Variants in PHF3 observed in about 807,000 individuals in gnomAD.
PHF3 encodes PHD finger protein 3.
PHF3 carries 41 observed loss-of-function variants against 178.4 expected under a neutral mutation model. That is an observed-to-expected ratio of 0.23 (90% CI 0.18 to 0.30). The LOEUF (loss-of-function observed/expected upper bound fraction) is 0.30, where lower values mean the gene tolerates loss of function less well. PHF3 is among the 10% of genes least tolerant of loss of function. The probability of loss-of-function intolerance (pLI) is 1.00; values close to 1 mark genes in which losing one functional copy is unlikely to be tolerated. For missense variants in PHF3, 2,346 were observed against 2,398.1 expected, an observed-to-expected ratio of 0.98 and a Z score of 0.45; for synonymous variants, 842 against 800.5, an observed-to-expected ratio of 1.05 and a Z score of -0.88.
chr6:63,684,334 C>T lies in PHF3; in HGVS notation c.612C>T (p.Ser204=), dbSNP rs79636606. The T allele has an allele frequency of 2.0e-4, 322 of 1,613,854 alleles. No individual in the cohort carries two copies. The African/African-American group carries it at 3.6e-3, about 18-fold the overall frequency. Residue 204 remains serine, a synonymous_variant, in exon 4 of 16, where the codon AGC becomes AGT. Transcript: ENST00000262043. ...AGAATAGAAGGTGCAGCCGAAATAG[C>T]GGACAAATTGAAGTGGTACCTGAAG... ...HKENRRCSRN[S]GQIEVVPEVS...
In PHF3 at chr6:63,721,676, T is replaced by A. The variant is rs1384547727; in HGVS notation, c.*7968T>A. ...CTGCACCAACTCTTCCTGCTTTTAT[T>A]ATATGCCAAGTACTTCCGTTTATAG... is the stretch of plus-strand genomic sequence containing the variant. On this transcript the variant is annotated 3_prime_UTR_variant, in exon 16 of 16. Coordinates refer to ENST00000262043, the MANE Select transcript of PHF3 (RefSeq NM_001370348.2). 11 of 1,551,414 alleles carry A rather than the reference T, an allele frequency of 7.1e-6. No homozygotes were observed. In the East Asian group the frequency reaches 2.0e-4, roughly 28 times the overall value.
At chr6:63,679,919 C>G (rs761262914) in intron 2 of PHF3, 81 bp from the exon 3 acceptor site, 1 of 1,105,812 alleles carries the variant, frequency 9.0e-7, no homozygotes, top group Non-Finnish European at 1.4e-6. Flanking sequence ...AAGACTATCT[C>G]ACAGTATTTT....
At position 63,644,469 on chromosome 6, in the gene PHF3, G is replaced by A. The variant is rs1365817028; in HGVS notation, c.-25-2058G>A. Reference sequence around the variant, plus strand: ...TAATCGAGACTTTCTTTGGCACTGAGATGATATAGTGGTAGGGAATTCTTA... The same window carrying A: ...TAATCGAGACTTTCTTTGGCACTGAAATGATATAGTGGTAGGGAATTCTTA... On this transcript the variant is annotated intron_variant, in intron 1 of 15. Transcript: ENST00000262043. Among the ~76,000 whole-genome samples, 4 of 152,278 alleles carry A rather than the reference G, an allele frequency of 2.6e-5. No individual in the cohort carries two copies. In the South Asian group the frequency reaches 8.3e-4, roughly 32 times the overall value.
chr6:63,676,223 C>G (rs1198445761), intron 2 of PHF3, among the ~76,000 whole-genome samples: 1 of 152,094 alleles, frequency 6.6e-6, no homozygotes, highest in African/African-American at 2.4e-5. Context: ...TCTGGAATAC[C>G]TACTATACAC....
At position 63,646,575 on chromosome 6, in the gene PHF3, T is replaced by C; in HGVS notation, c.24T>C (p.Asn8=). The C allele has an allele frequency of 6.2e-7, 1 of 1,611,498 alleles. No homozygotes were observed. The highest frequency in any genetic ancestry group is 1.1e-5 in the South Asian group (1 of 90,992). Residue 8 remains asparagine (N), a synonymous_variant, in exon 2 of 16, where the codon AAT becomes AAC. Coordinates refer to ENST00000262043, the MANE Select transcript of PHF3 (RefSeq NM_001370348.2). ...TCATGGATATAGTTGATACATTTAA[T>C]CATTTAATTCCTACTGAACACTTAG... MDIVDTF[N]HLIPTEHLDD...
At chr6:63,696,516 G>A (rs1362674681) in intron 6 of PHF3, among the ~76,000 whole-genome samples, 1 of 152,058 alleles carries the variant, frequency 6.6e-6, no homozygotes, top group East Asian at 1.9e-4. Context: ...ATGGTGTTTC[G>A]TTATGTTGGC....
intron 2 of PHF3, among the ~76,000 whole-genome samples, chr6:63,670,661 C>T (rs552528231): frequency 2.0e-5 from 3 of 152,296 alleles, no homozygotes; most frequent in South Asian, 4.1e-4. Context: ...TGGAGGTTCT[C>T]ATCTGTTGAG....
At chr6:63,701,011 A>AT (rs1767451689) in intron 9 of PHF3, among the ~76,000 whole-genome samples, 1 of 152,028 alleles carries the variant, frequency 6.6e-6, no homozygotes, top group South Asian at 2.1e-4. Context: ...ATAGTTTGTA[A>AT]ATGAGAAGGA....
At chr6:63,686,050 C>G (rs1322141022) in intron 4 of PHF3, 139 bp downstream of exon 4, 5 of 599,408 alleles carry the variant, frequency 8.3e-6, no homozygotes, top group African/African-American at 1.9e-5. Context: ...CTTCATCAGT[C>G]TTGGATAAAT....
rs1768400687 is a variant in PHF3 at position 63,721,693 on chromosome 6, C to T, written c.*7985C>T. 2 of 1,551,320 alleles carry T rather than the reference C, an allele frequency of 1.3e-6. No individual in the cohort carries two copies. The highest frequency in any genetic ancestry group is 1.7e-6 in the Non-Finnish European group (2 of 1,146,720). On this transcript the variant is annotated 3_prime_UTR_variant, in exon 16 of 16. Coordinates refer to ENST00000262043, the MANE Select transcript of PHF3 (RefSeq NM_001370348.2). The stretch of plus-strand genomic sequence containing the variant: ...GCTTTTATTATATGCCAAGTACTTC[C>T]GTTTATAGTTACTTTTTGGAGAGTT...
In PHF3 at chr6:63,725,563, T is replaced by C. The variant is rs546455410; in HGVS notation, c.*11855T>C. 6.6e-6 allele frequency among the ~76,000 whole-genome samples: 1 copy of C among 152,156 alleles called. No homozygotes were observed. The highest frequency in any genetic ancestry group is 2.4e-5 in the African/African-American group (1 of 41,450). ...TTGACATTTTCACAGGGAGATTTAA[T>C]CATGAATTTAAAACCAAATATCTCA... On this transcript the variant is annotated 3_prime_UTR_variant, in exon 16 of 16. Coordinates refer to ENST00000262043, the MANE Select transcript of PHF3 (RefSeq NM_001370348.2).
Position 63,646,806 on chromosome 6 carries a change from CTTTTTTTTT to C in PHF3, c.244+25_244+33del. On this transcript the variant is annotated intron_variant, in intron 2 of 15. Coordinates refer to ENST00000262043, the MANE Select transcript of PHF3 (RefSeq NM_001370348.2). ...TGCCTTGTTCAACAGGTAATTCTTA[CTTTTTTTTT>C]TTTTTTTTTTTTTAGTCTGCAATTT... 3 of 1,013,290 alleles carry C rather than the reference CTTTTTTTTT, an allele frequency of 3.0e-6. No homozygotes were observed. The highest frequency in any genetic ancestry group is 3.9e-5 in the East Asian group (1 of 25,954). 62.8% of individuals were successfully genotyped at this position (1,013,290 alleles called of 1,614,324 possible).
intron 3 of PHF3, among the ~76,000 whole-genome samples, chr6:63,681,592 T>G (rs943999259): frequency 6.6e-6 from 1 of 152,070 alleles, no homozygotes; most frequent in African/African-American, 2.4e-5. Flanking sequence ...AAATGTTCTT[T>G]TTGTTGTTGT....
intron 9 of PHF3, among the ~76,000 whole-genome samples, chr6:63,702,141 C>T (rs1234539326): frequency 6.6e-6 from 1 of 152,132 alleles, no homozygotes; most frequent in Non-Finnish European, 1.5e-5. Context: ...AATTTAAGAG[C>T]AAAATAGTTC....
At chr6:63,704,373 A>C (rs928499363) in intron 11 of PHF3, among the ~76,000 whole-genome samples, 4 of 151,744 alleles carry the variant, frequency 2.6e-5, no homozygotes, top group Non-Finnish European at 5.9e-5. Context: ...ACTGCCCTAA[A>C]AATCCTCTTT....
At chr6:63,685,943 A>G (rs1216796406) in intron 4 of PHF3, 32 bp downstream of exon 4, 1 of 1,485,218 alleles carries the variant, frequency 6.7e-7, no homozygotes, top group Non-Finnish European at 9.2e-7. Flanking sequence ...AGTGATGTGT[A>G]CATTGAAAAT....
At chr6:63,653,054 TTG>T (rs1482856177) in intron 2 of PHF3, among the ~76,000 whole-genome samples, 1 of 151,074 alleles carries the variant, frequency 6.6e-6, no homozygotes, top group African/African-American at 2.4e-5. Flanking sequence ...GTATTTTTTT[TTG>T]TGTGTGTGGT....
At chr6:63,641,561 TG>T (rs1443493161) in intron 1 of PHF3, among the ~76,000 whole-genome samples, 1 of 150,780 alleles carries the variant, frequency 6.6e-6, no homozygotes, top group African/African-American at 2.5e-5. Context: ...TGTGTGTGTG[TG>T]TGTGTGTTTT....
At chr6:63,689,464 A>G (rs571979084) in intron 4 of PHF3, among the ~76,000 whole-genome samples, 1 of 152,268 alleles carries the variant, frequency 6.6e-6, no homozygotes, top group South Asian at 2.1e-4. Flanking sequence ...AGAACAAATG[A>G]TTCTATTTTT....
Sources: allele counts gnomAD v4.1 joint callset (sites outside exome capture counted in the v4.1 genomes callset), GRCh38; gene constraint gnomAD v4.1.1; transcripts MANE v1.5; gene names NCBI Gene and HGNC (gene_info 2026-07-23, HGNC 2026-07-21).